The following LYRM4 variants were observed in gnomAD, a reference collection of about 807,000 sequenced individuals.
LYRM4 encodes the protein LYR motif containing 4, also known as LYR motif-containing protein 4.
Under a neutral mutation model 11.7 loss-of-function variants are expected in LYRM4, and 9 were observed. The observed-to-expected ratio is 0.77, with a 90% CI of 0.46 to 1.34. LYRM4 has a LOEUF of 1.34. Among genes scored for constraint, LYRM4 ranks in the 40% most tolerant of loss-of-function variants. The probability of loss-of-function intolerance (pLI) is 0.00; values close to 1 mark genes in which losing one functional copy is unlikely to be tolerated. For synonymous variants in LYRM4, 42 were observed against 40.4 expected, an observed-to-expected ratio of 1.04 and a Z score of -0.15; for missense variants, 133 against 112.5, an observed-to-expected ratio of 1.18 and a Z score of -0.82.
chr6:5,252,069 C>A (rs1034693915), intron 1 of LYRM4, among the ~76,000 whole-genome samples: 2 of 152,186 alleles, frequency 1.3e-5, no homozygotes, highest in Non-Finnish European at 2.9e-5. Flanking sequence ...CGAGACCTGA[C>A]GTTGATCAGC....
chr6:5,096,492 A>G, the LYRM4 span, among the ~76,000 whole-genome samples: 31 of 152,266 alleles, frequency 2.0e-4, 1 homozygote, highest in Middle Eastern at 0.014. Context: ...GTTTCAAAAA[A>G]ACAAACACAA....
downstream of LYRM4, among the ~76,000 whole-genome samples, chr6:5,099,219 T>TA (rs397706289): frequency 6.6e-6 from 1 of 150,898 alleles, no homozygotes; most frequent in African/African-American, 2.5e-5. The surrounding 1 kb of genome is among the most constrained non-coding windows in gnomAD (Gnocchi z 4.3). Flanking sequence ...TTTTTTTTTT[T>TA]AAAGACAGGG....
chr6:5,086,556 G>T, the LYRM4 span: 1 of 1,520,516 alleles, frequency 6.6e-7, no homozygotes, highest in Non-Finnish European at 8.8e-7. Flanking sequence ...CTGCGGACGC[G>T]CTCTGAGCCT....
intron 2 of LYRM4, among the ~76,000 whole-genome samples, chr6:5,130,841 A>G (rs1376335226): frequency 2.6e-5 from 4 of 152,222 alleles, no homozygotes; most frequent in Non-Finnish European, 4.4e-5. Flanking sequence ...AGAAAAGTAG[A>G]ATGGAATTTC....
chr6:5,088,246 C>T, the LYRM4 span: 2 of 152,370 alleles, frequency 1.3e-5, no homozygotes, highest in East Asian at 3.9e-4. Flanking sequence ...AGGCATCTGC[C>T]ACCACACCTG....
chr6:5,116,574 G>C (rs1000791771), intron 2 of LYRM4, among the ~76,000 whole-genome samples: 3 of 152,208 alleles, frequency 2.0e-5, no homozygotes, highest in South Asian at 4.1e-4. Flanking sequence ...TCTGGTCAAC[G>C]GAAGTAAGGT....
chr6:5,188,435 A>G (rs2127687805), intron 2 of LYRM4, among the ~76,000 whole-genome samples: 1 of 152,326 alleles, frequency 6.6e-6, no homozygotes, highest in African/African-American at 2.4e-5. Context: ...CAAATTTCAG[A>G]AAGATTAAGT....
rs777702283 is a variant in LYRM4, at chr6:5,187,055, T to A, written c.207+29563A>T. On this transcript the variant is annotated intron_variant, in intron 2 of 2. Coordinates refer to ENST00000330636, the MANE Select transcript of LYRM4 (RefSeq NM_020408.6). ...AAAATAAATGACAAACGAGGAACTG[T>A]ATTTGTAACAAATCTAAGAAACAAT... is the stretch of plus-strand genomic sequence containing the variant. The A allele has an allele frequency of 1.1e-4, 110 of 967,344 alleles. 1 individual carries two copies. Among genetic ancestry groups the A allele is most frequent in the Non-Finnish European group, 3.3e-5 (27 of 813,212 alleles). The allele number at this position is 967,344 out of a possible 1,614,324, so 59.9% of individuals were successfully genotyped here. A position where few individuals can be genotyped will look rare whatever the true frequency, so the allele number is the denominator to read the frequency against.
Position 5,109,269 on chromosome 6 carries a change from G to T in LYRM4, c.*154C>A. 6.6e-7 allele frequency: 1 copy of T among 1,508,022 alleles called. No homozygotes were observed. The highest frequency in any genetic ancestry group is 2.1e-5 in the Admixed American group (1 of 46,846). The allele number at this position is 1,508,022 out of a possible 1,614,324, so 93.4% of individuals were successfully genotyped here. A position where few individuals can be genotyped will look rare whatever the true frequency, so the allele number is the denominator to read the frequency against. ...ACAGCAGTCCTTTTTCACTAAGCCTGCAACAGAATGCAAATGTGACTTGGT... is the reference window on the plus strand; with the variant it reads ...ACAGCAGTCCTTTTTCACTAAGCCTTCAACAGAATGCAAATGTGACTTGGT... On this transcript the variant is annotated 3_prime_UTR_variant, in exon 3 of 3. Coordinates refer to ENST00000330636, the MANE Select transcript of LYRM4 (RefSeq NM_020408.6).
the LYRM4 span, among the ~76,000 whole-genome samples, chr6:5,091,338 C>T: frequency 6.6e-6 from 1 of 152,176 alleles, no homozygotes; most frequent in African/African-American, 2.4e-5. Context: ...CTGTTTTTTG[C>T]TTCCAGACCA....
chr6:5,162,291 A>G (rs1429243546), intron 2 of LYRM4, among the ~76,000 whole-genome samples: 3 of 152,102 alleles, frequency 2.0e-5, no homozygotes, highest in African/African-American at 7.2e-5. Flanking sequence ...TCAATTTTAC[A>G]CCCATTTCAT....
chr6:5,139,038 G>A (rs76924779), intron 2 of LYRM4, among the ~76,000 whole-genome samples: 2,109 of 152,330 alleles, frequency 0.014, 35 homozygotes, highest in South Asian at 0.088. Context: ...TACCTACTAT[G>A]TTCTAGGCAC....
chr6:5,245,886 GCC>G (rs1336002821), intron 1 of LYRM4, among the ~76,000 whole-genome samples: 2 of 152,172 alleles, frequency 1.3e-5, no homozygotes, highest in African/African-American at 4.8e-5. Context: ...CTGAGAAAAT[GCC>G]AGAGTGACAA....
the LYRM4 span, among the ~76,000 whole-genome samples, chr6:5,050,410 ACACGGAGGTGAGCAGCATTGCTGCAAC>A: frequency 6.6e-6 from 1 of 151,978 alleles, no homozygotes; most frequent in Admixed American, 6.6e-5. Flanking sequence ...GGAGGTGTAG[ACACGGAGGTGAGCAGCATTGCTGCAAC>A]CATCATTTGC....
the LYRM4 span, among the ~76,000 whole-genome samples, chr6:5,052,252 C>T: frequency 1.3e-3 from 198 of 152,238 alleles, 3 homozygotes; most frequent in African/African-American, 4.4e-3. Context: ...TGATTTGTTA[C>T]TTCCACTTTT....
chr6:5,218,251 G>C, intron 1 of LYRM4: 2 of 985,238 alleles, frequency 2.0e-6, no homozygotes, highest in Non-Finnish European at 2.4e-6. Context: ...TTTTAACTTG[G>C]AGCACCGGTT....
At chr6:5,115,795 G>A (rs1240481203) in intron 2 of LYRM4, among the ~76,000 whole-genome samples, 2 of 152,086 alleles carry the variant, frequency 1.3e-5, no homozygotes, top group Non-Finnish European at 2.9e-5. Flanking sequence ...TGGCCCTTGG[G>A]GGGAAAAGAA....
chr6:5,056,533 A>G, the LYRM4 span, among the ~76,000 whole-genome samples: 4 of 152,226 alleles, frequency 2.6e-5, no homozygotes, highest in African/African-American at 7.2e-5. Context: ...TGCATTGATC[A>G]TTTGGAAAAT....
the LYRM4 span, among the ~76,000 whole-genome samples, chr6:5,045,283 TAAC>T: frequency 6.6e-6 from 1 of 152,192 alleles, no homozygotes; most frequent in African/African-American, 2.4e-5. Flanking sequence ...GATTCAGCCT[TAAC>T]AAGGAAGGAA....
Sources: gnomAD v4.1 joint callset for allele counts (sites outside exome capture counted in the v4.1 genomes callset) on GRCh38, gnomAD v4.1.1 for gene constraint, Gnocchi (gnomAD v3.1) non-coding constraint, MANE v1.5 for transcripts, NCBI Gene and HGNC (gene_info 2026-07-23, HGNC 2026-07-21) for gene names.